PCSK5: variants seen among roughly 807,000 people sequenced by gnomAD.
PCSK5 encodes the protein proprotein convertase subtilisin/kexin type 5, also known as prohormone convertase 5.
A neutral mutation model predicts 233.2 loss-of-function variants in PCSK5; 129 were observed. That is an observed-to-expected ratio of 0.55 (90% CI 0.48 to 0.64). The LOEUF is 0.64. Among genes scored for constraint, PCSK5 ranks in the 30% least tolerant of loss-of-function variants. PCSK5 has a pLI of 0.00. For synonymous variants in PCSK5, 825 were observed against 879.2 expected, an observed-to-expected ratio of 0.94 and a Z score of 1.09; for missense variants, 2,076 against 2,430.1, an observed-to-expected ratio of 0.85 and a Z score of 3.06.
In PCSK5 at chr9:76,174,967, T is replaced by C; in HGVS notation, c.1757-19T>C. On this transcript the variant is annotated intron_variant, in intron 13 of 37. Transcript: ENST00000674117. ...AGGGAAAATTTGGTCATGCTGTGATTTCATTATTATTTCTCAAGGTAAATT... is the reference window on the plus strand; with the variant it reads ...AGGGAAAATTTGGTCATGCTGTGATCTCATTATTATTTCTCAAGGTAAATT... The C allele has an allele frequency of 6.3e-7, 1 of 1,581,896 alleles. No individual in the cohort carries two copies.
chr9:75,896,435 A>C (rs567544571), intron 1 of PCSK5, among the ~76,000 whole-genome samples: 3 of 152,292 alleles, frequency 2.0e-5, no homozygotes, highest in Non-Finnish European at 2.9e-5. Context: ...ACAGTGAGAA[A>C]ATTTTCAGCA....
intron 7 of PCSK5, among the ~76,000 whole-genome samples, chr9:76,078,114 T>G (rs1830702625): frequency 6.6e-6 from 1 of 152,234 alleles, no homozygotes; most frequent in Non-Finnish European, 1.5e-5. Context: ...TTCATGTCTT[T>G]TGCGCATTTG....
rs1354864321 is a variant in PCSK5, at chr9:76,351,533, G to GAAAAGAAAGA, written c.5067+607_5067+608insAAGAAAGAAA. Among the ~76,000 whole-genome samples, 6 of 15,850 alleles carry GAAAAGAAAGA rather than the reference G, an allele frequency of 3.8e-4. 1 individual carries two copies. The highest frequency in any genetic ancestry group is 4.2e-3 in the South Asian group (1 of 236). The allele number at this position is 15,850 out of a possible 152,430, so 10.4% of individuals were successfully genotyped here. On this transcript the variant is annotated intron_variant, in intron 36 of 37. Coordinates refer to ENST00000674117, the MANE Select transcript of PCSK5 (RefSeq NM_001372043.1). ...GAAAGAAAGAAAGAAAGAAAGAAAG[G>GAAAAGAAAGA]AAGGAAAGAAAGAGAAAGAAGAGAG... is the stretch of plus-strand genomic sequence containing the variant.
intron 1 of PCSK5, among the ~76,000 whole-genome samples, chr9:75,908,649 C>T (rs534019859): frequency 3.5e-4 from 54 of 152,314 alleles, no homozygotes; most frequent in South Asian, 2.3e-3. Context: ...GTCATTCTCA[C>T]TGCCGGGACA....
At chr9:76,356,680 G>C (rs927850682) in intron 37 of PCSK5, among the ~76,000 whole-genome samples, 3 of 152,096 alleles carry the variant, frequency 2.0e-5, no homozygotes, top group Non-Finnish European at 4.4e-5. Context: ...AATCCCATGA[G>C]AATGAAAATT....
intron 20 of PCSK5, among the ~76,000 whole-genome samples, chr9:76,214,806 G>C (rs1196473733): frequency 2.0e-5 from 3 of 152,158 alleles, no homozygotes; most frequent in Non-Finnish European, 4.4e-5. Flanking sequence ...TAAGAGGAGA[G>C]CAATGCTCAC....
intron 2 of PCSK5, among the ~76,000 whole-genome samples, chr9:75,946,139 A>G (rs900999946): frequency 2.0e-5 from 3 of 152,238 alleles, no homozygotes; most frequent in Non-Finnish European, 4.4e-5. Flanking sequence ...TTTGAAATTA[A>G]TTTTGGAAGA....
At chr9:75,942,255 T>C (rs368912488) in intron 2 of PCSK5, among the ~76,000 whole-genome samples, 3 of 152,354 alleles carry the variant, frequency 2.0e-5, no homozygotes, top group African/African-American at 7.2e-5. Flanking sequence ...CATTTTCCAA[T>C]TTTAAATATT....
intron 8 of PCSK5, among the ~76,000 whole-genome samples, chr9:76,098,575 C>G (rs78131334): frequency 0.019 from 2,907 of 152,278 alleles, 94 homozygotes; most frequent in African/African-American, 0.065. Flanking sequence ...TCGTTTTTTA[C>G]CTCTGGAGTT....
intron 24 of PCSK5, among the ~76,000 whole-genome samples, chr9:76,244,562 GGTTTT>G (rs1826525483): frequency 7.2e-6 from 1 of 139,084 alleles, no homozygotes; most frequent in Non-Finnish European, 1.6e-5. Flanking sequence ...AAAATCCTGG[GGTTTT>G]TTTTTTTTTT....
intron 7 of PCSK5, among the ~76,000 whole-genome samples, chr9:76,073,195 C>T (rs1032429067): frequency 6.6e-6 from 1 of 152,210 alleles, no homozygotes; most frequent in African/African-American, 2.4e-5. Context: ...TGTAATGTTG[C>T]AGCTGGAGTA....
Position 76,354,104 on chromosome 9 carries a change from C to T in PCSK5, c.5139C>T (p.Cys1713=). 1 of 1,606,896 alleles carries T rather than the reference C, an allele frequency of 6.2e-7. No homozygotes were observed. The highest frequency in any genetic ancestry group is 2.2e-5 in the East Asian group (1 of 44,672). Residue 1713 remains cysteine (C), a synonymous_variant, in exon 37 of 38, where the codon TGC becomes TGT. Transcript: ENST00000674117. ...MECKGPGAKN[C]TLCPANLVLH... ...GCAAGGGACCAGGGGCCAAGAACTG[C>T]ACCTTGTGCCCTGCCAACCTGGTGC... is the stretch of plus-strand genomic sequence containing the variant.
rs192618503 is a variant in PCSK5, at chr9:76,113,064, C to T, written c.1208+5713C>T. Among the ~76,000 whole-genome samples the T allele has an allele frequency of 4.1e-3, 623 of 152,232 alleles. 24 individuals are homozygous for T. Among genetic ancestry groups the T allele is most frequent in the Admixed American group, 0.036 (553 of 15,276 alleles). ...CAATTGCTCAATTAGTTACTTTTAC[C>T]GTCCATATCCTTTAGTTGATATTCA... On this transcript the variant is annotated intron_variant, in intron 9 of 37. Coordinates refer to ENST00000674117, the MANE Select transcript of PCSK5 (RefSeq NM_001372043.1).
chr9:76,021,901 C>T (rs983720558), intron 3 of PCSK5, among the ~76,000 whole-genome samples: 7 of 152,120 alleles, frequency 4.6e-5, no homozygotes, highest in African/African-American at 1.4e-4. Flanking sequence ...CCATTCTCTC[C>T]CTGTTCTCTA....
At chr9:76,111,899 C>G (rs571871522) in intron 9 of PCSK5, among the ~76,000 whole-genome samples, 1 of 152,208 alleles carries the variant, frequency 6.6e-6, no homozygotes, top group South Asian at 2.1e-4. Context: ...AATAAAAGAG[C>G]TTGCTGTTAA....
At chr9:76,335,486 C>T (rs1205455899) in intron 34 of PCSK5, among the ~76,000 whole-genome samples, 1 of 152,148 alleles carries the variant, frequency 6.6e-6, no homozygotes, top group Non-Finnish European at 1.5e-5. Flanking sequence ...CCTATCCCAA[C>T]CCACGTAATT....
At chr9:76,329,395 A>G (rs1829462845) in intron 33 of PCSK5, among the ~76,000 whole-genome samples, 1 of 151,450 alleles carries the variant, frequency 6.6e-6, no homozygotes, top group South Asian at 2.1e-4. Context: ...CCTGGGCTCT[A>G]GCTATTCTCC....
intron 10 of PCSK5, among the ~76,000 whole-genome samples, chr9:76,144,211 G>A (rs554958228): frequency 2.6e-5 from 4 of 150,950 alleles, no homozygotes; most frequent in African/African-American, 5.0e-5. Context: ...TGAACCCACC[G>A]GAGGTTACAA....
chr9:76,205,822 C>G (rs1415727253), intron 20 of PCSK5, among the ~76,000 whole-genome samples: 1 of 152,168 alleles, frequency 6.6e-6, no homozygotes, highest in African/African-American at 2.4e-5. Context: ...TGACTCTGTG[C>G]TGGATCCCTC....
Sources: allele counts gnomAD v4.1 joint callset (sites outside exome capture counted in the v4.1 genomes callset), GRCh38; gene constraint gnomAD v4.1.1; transcripts MANE v1.5; gene names NCBI Gene and HGNC (gene_info 2026-07-23, HGNC 2026-07-21).